FAM120B: variants seen among roughly 807,000 people sequenced by gnomAD.
The protein encoded by FAM120B is constitutive coactivator of peroxisome proliferator-activated receptor gamma.
Under a neutral mutation model 96.3 loss-of-function variants are expected in FAM120B, and 83 were observed. That is an observed-to-expected ratio of 0.86 (90% CI 0.72 to 1.03). The LOEUF (loss-of-function observed/expected upper bound fraction) is 1.03, where lower values mean the gene tolerates loss of function less well. FAM120B is among the 50% of genes least tolerant of loss of function. The pLI, the probability that FAM120B is intolerant of heterozygous loss-of-function variation, is 0.00. For missense variants in FAM120B, 1,027 were observed against 1,121.2 expected (o/e 0.92, Z 1.20); for synonymous variants, 407 against 402.7 (o/e 1.01, Z -0.13).
intron 1 of FAM120B, among the ~76,000 whole-genome samples, chr6:170,310,823 T>G (rs1784547239): frequency 6.6e-6 from 1 of 152,200 alleles, no homozygotes; most frequent in Non-Finnish European, 1.5e-5. Flanking sequence ...ACTCCGAGTC[T>G]TTGTTTGCCT....
chr6:170,376,448 G>A (rs1016431067), intron 6 of FAM120B, among the ~76,000 whole-genome samples: 2 of 146,298 alleles, frequency 1.4e-5, no homozygotes, highest in Non-Finnish European at 3.0e-5. Flanking sequence ...GAAAGACAGT[G>A]AACACAGAGA....
intron 1 of FAM120B, among the ~76,000 whole-genome samples, chr6:170,311,361 A>G (rs1443400358): frequency 6.6e-6 from 1 of 152,186 alleles, no homozygotes; most frequent in Non-Finnish European, 1.5e-5. Flanking sequence ...AGACATACTG[A>G]AGGTGAGTTT....
At position 170,317,791 on chromosome 6, in the gene FAM120B, C is replaced by A; in HGVS notation, c.401C>A (p.Pro134His). The change falls in exon 2 of 11, where the codon CCC becomes CAC. Residue 134 changes from proline to histidine, a missense_variant. Coordinates refer to ENST00000476287, the MANE Select transcript of FAM120B (RefSeq NM_032448.3). ...EQPGRNMFFI[P>H]SGLAVFTRFA... ...CCAGGCAGAAATATGTTCTTCATCC[C>A]CTCAGGGCTAGCTGTGTTTACACGA... 1 of 1,614,154 alleles carries A rather than the reference C, an allele frequency of 6.2e-7. No homozygotes were observed.
intron 2 of FAM120B, among the ~76,000 whole-genome samples, chr6:170,320,581 A>G (rs1785222112): frequency 6.6e-6 from 1 of 152,238 alleles, no homozygotes. Context: ...GTGTTAATCT[A>G]AAGAAGAAGG....
At chr6:170,307,650 G>C (rs943179798) in intron 1 of FAM120B, among the ~76,000 whole-genome samples, 12 of 152,222 alleles carry the variant, frequency 7.9e-5, no homozygotes, top group African/African-American at 2.9e-4. Flanking sequence ...AGAAATGTTG[G>C]TTAGGGATGG....
chr6:170,350,279 G>A (rs1015110711), intron 5 of FAM120B, among the ~76,000 whole-genome samples: 9 of 152,110 alleles, frequency 5.9e-5, no homozygotes, highest in African/African-American at 1.2e-4. Context: ...AATCCCAGCC[G>A]GCCAATGGCA....
chr6:170,359,344 G>C (rs1343662664), intron 6 of FAM120B, among the ~76,000 whole-genome samples: 1 of 150,710 alleles, frequency 6.6e-6, no homozygotes, highest in Admixed American at 6.6e-5. Context: ...TGTGAGCTGA[G>C]ATCGTGCCAT....
chr6:170,394,441 G>A (rs914768771), intron 8 of FAM120B, among the ~76,000 whole-genome samples: 12 of 152,092 alleles, frequency 7.9e-5, no homozygotes, highest in Admixed American at 6.5e-5. Context: ...CCACGCCTCC[G>A]TGGACACCGC....
At chr6:170,306,615 C>CGTCCGCT (rs986292029), upstream of FAM120B, 1 of 152,172 alleles carries the variant, frequency 6.6e-6, no homozygotes, top group Non-Finnish European at 1.5e-5. Flanking sequence ...CTGCGCGCCG[C>CGTCCGCT]GTCCGCTGTC....
intron 1 of FAM120B, among the ~76,000 whole-genome samples, chr6:170,311,485 T>A (rs751738746): frequency 2.0e-5 from 3 of 152,244 alleles, no homozygotes; most frequent in Non-Finnish European, 4.4e-5. Flanking sequence ...AAAAGATACC[T>A]TGCAGACCTT....
At chr6:170,390,980 C>T in intron 7 of FAM120B, 33 bp from the exon 8 acceptor site, 1 of 1,585,458 alleles carries the variant, frequency 6.3e-7, no homozygotes, top group South Asian at 1.1e-5. Context: ...CATCTGGCCC[C>T]TCACATCTCA....
At chr6:170,347,829 C>T (rs577467201) in intron 4 of FAM120B, among the ~76,000 whole-genome samples, 1 of 152,168 alleles carries the variant, frequency 6.6e-6, no homozygotes, top group Non-Finnish European at 1.5e-5. Context: ...TGTGATACTG[C>T]AGGGCGGCAG....
At position 170,388,473 on chromosome 6, in the gene FAM120B, G is replaced by A. The variant is rs759203305; in HGVS notation, c.2470G>A (p.Glu824Lys). ...GCAATCTGAAAAGGGTTATGCTGTG[G>A]AGGTTCTTTTAGAACAAAATGTGAG... The part of the protein sequence containing the change: ...YLQSEKGYAV[E>K]VLLEQNRSRL... The change falls in exon 7 of 11, where the codon GAG (glutamate) becomes AAG (lysine). Residue 824 changes from glutamate (E) to lysine (K), a missense_variant. This residue lies in a region of FAM120B where 142 missense variants were observed against 122.5 expected (regional missense o/e 1.16). Coordinates refer to ENST00000476287, the MANE Select transcript of FAM120B (RefSeq NM_032448.3). 3 of 1,614,144 alleles carry A rather than the reference G, an allele frequency of 1.9e-6. No homozygotes were observed. Among genetic ancestry groups the A allele is most frequent in the Non-Finnish European group, 1.7e-6 (2 of 1,180,016 alleles).
chr6:170,396,008 C>T (rs1778139879), intron 9 of FAM120B, among the ~76,000 whole-genome samples: 1 of 152,158 alleles, frequency 6.6e-6, no homozygotes, highest in Admixed American at 6.5e-5. Context: ...AGCCCCAACC[C>T]TTTGTTTTTT....
intron 1 of FAM120B, among the ~76,000 whole-genome samples, chr6:170,296,535 C>T (rs1479583194): frequency 1.3e-5 from 2 of 151,784 alleles, no homozygotes; most frequent in Non-Finnish European, 1.5e-5. Context: ...CCGCCTCGTG[C>T]GGGACTCGTG....
At chr6:170,352,047 C>T (rs966685858) in intron 5 of FAM120B, among the ~76,000 whole-genome samples, 13 of 152,208 alleles carry the variant, frequency 8.5e-5, no homozygotes, top group African/African-American at 3.1e-4. Flanking sequence ...AGAGACCCAT[C>T]TCATGTGCAG....
In FAM120B at chr6:170,322,618, T is replaced by C. The variant is rs1198839871; in HGVS notation, c.1735-461T>C. On this transcript the variant is annotated intron_variant, in intron 2 of 10. Coordinates refer to ENST00000476287, the MANE Select transcript of FAM120B (RefSeq NM_032448.3). ...CTAGAAAAAGGAGATTGAGGCTTTA[T>C]AGAGGGGCCTCAAATGTTATGGTGA... 2.0e-5 allele frequency among the ~76,000 whole-genome samples: 3 copies of C among 152,300 alleles called. No homozygotes were observed. In the East Asian group the frequency reaches 5.8e-4, roughly 29 times the overall value.
At chr6:170,366,702 T>TA (rs1293214871) in intron 6 of FAM120B, among the ~76,000 whole-genome samples, 3 of 152,148 alleles carry the variant, frequency 2.0e-5, no homozygotes, top group African/African-American at 7.2e-5. Flanking sequence ...AGGTGAGGCG[T>TA]AGCCAGGGAC....
intron 7 of FAM120B, among the ~76,000 whole-genome samples, chr6:170,390,323 T>C (rs986594372): frequency 2.0e-5 from 3 of 152,220 alleles, no homozygotes; most frequent in Non-Finnish European, 4.4e-5. Flanking sequence ...AGGAGAAATG[T>C]GCTTCTAATA....
Sources: gnomAD v4.1 joint callset for allele counts (sites outside exome capture counted in the v4.1 genomes callset) on GRCh38, gnomAD v4.1.1 for gene constraint, gnomAD v4.1.1 regional missense constraint, MANE v1.5 for transcripts, NCBI Gene and HGNC (gene_info 2026-07-23, HGNC 2026-07-21) for gene names.